The following COLEC10 variants were observed in gnomAD, a reference collection of about 807,000 sequenced individuals.
COLEC10 encodes the protein collectin-10.
Under a neutral mutation model 28.4 loss-of-function variants are expected in COLEC10, and 22 were observed. The ratio of observed to expected loss-of-function variants is 0.78; its 90% CI spans 0.55 to 1.11. COLEC10 has a LOEUF of 1.11. Among genes scored for constraint, COLEC10 ranks in the 50% least tolerant of loss-of-function variants. The pLI is 0.00. For synonymous variants in COLEC10, 125 were observed against 116.1 expected (o/e 1.08, Z -0.49); for missense variants, 361 against 344.1 (o/e 1.05, Z -0.39).
At chr8:118,952,578 T>G in the COLEC10 span, among the ~76,000 whole-genome samples, 2 of 152,244 alleles carry the variant, frequency 1.3e-5, no homozygotes, top group African/African-American at 4.8e-5. Flanking sequence ...CGTGCTATTC[T>G]GCATTCACTC....
At chr8:118,994,911 C>T (rs937710808), upstream of COLEC10, among the ~76,000 whole-genome samples, 5 of 152,154 alleles carry the variant, frequency 3.3e-5, no homozygotes, top group Admixed American at 2.0e-4. Flanking sequence ...TATCTCATAG[C>T]ACTGACAAAG....
intron 1 of COLEC10, among the ~76,000 whole-genome samples, chr8:119,087,986 C>A (rs938126229): frequency 3.3e-5 from 5 of 151,990 alleles, no homozygotes; most frequent in Admixed American, 1.3e-4. Flanking sequence ...TTTATAATTG[C>A]TCAATAGACA....
the COLEC10 span, among the ~76,000 whole-genome samples, chr8:118,977,829 G>T: frequency 3.3e-5 from 5 of 151,660 alleles, no homozygotes; most frequent in African/African-American, 1.2e-4. Context: ...ATAGCCCTTA[G>T]GTTGTTAATA....
chr8:119,070,395 C>A (rs1468814159), intron 1 of COLEC10, among the ~76,000 whole-genome samples: 1 of 151,534 alleles, frequency 6.6e-6, no homozygotes, highest in Non-Finnish European at 1.5e-5. Flanking sequence ...CTTTCTATGC[C>A]TTAAACTTAT....
chr8:119,002,401 C>A (rs555524610), intron 1 of COLEC10, among the ~76,000 whole-genome samples: 5 of 152,094 alleles, frequency 3.3e-5, no homozygotes, highest in African/African-American at 1.2e-4. Context: ...TTATTAAAAG[C>A]TAGGTTTCAT....
chr8:118,999,956 T>A (rs546612114), intron 1 of COLEC10, among the ~76,000 whole-genome samples: 36 of 152,212 alleles, frequency 2.4e-4, no homozygotes, highest in Non-Finnish European at 4.7e-4. Context: ...TGAAGAGGCA[T>A]GGGGTATTTT....
At chr8:119,032,791 A>G (rs1057514069) in intron 2 of COLEC10, among the ~76,000 whole-genome samples, 2 of 152,116 alleles carry the variant, frequency 1.3e-5, no homozygotes, top group Non-Finnish European at 2.9e-5. Context: ...AGTCCCAGCT[A>G]CCTGGGAGGC....
chr8:119,103,050 C>T (rs771252843), intron 4 of COLEC10, among the ~76,000 whole-genome samples: 1 of 151,852 alleles, frequency 6.6e-6, no homozygotes, highest in Non-Finnish European at 1.5e-5. Flanking sequence ...AATTTTCAAG[C>T]TACCAAAGGA....
intron 1 of COLEC10, among the ~76,000 whole-genome samples, chr8:119,002,825 A>G (rs1813725849): frequency 1.3e-5 from 2 of 152,212 alleles, no homozygotes; most frequent in Admixed American, 1.3e-4. Context: ...TTACCTGCAT[A>G]GCATATATCA....
chr8:119,051,461 G>T (rs917329087), intron 2 of COLEC10, among the ~76,000 whole-genome samples: 2 of 152,156 alleles, frequency 1.3e-5, no homozygotes, highest in African/African-American at 4.8e-5. Flanking sequence ...TATTGAAAAT[G>T]TTACCAATGT....
At chr8:119,006,449 T>C (rs1023696256) in intron 1 of COLEC10, among the ~76,000 whole-genome samples, 1 of 152,084 alleles carries the variant, frequency 6.6e-6, no homozygotes, top group African/African-American at 2.4e-5. Flanking sequence ...TAAACTACCT[T>C]CACTATAAAT....
At chr8:119,055,982 C>T (rs1333470648) in intron 2 of COLEC10, among the ~76,000 whole-genome samples, 1 of 152,050 alleles carries the variant, frequency 6.6e-6, no homozygotes, top group Non-Finnish European at 1.5e-5. Context: ...GACACCAACT[C>T]CACGTATCCA....
Position 119,106,182 on chromosome 8 carries a change from G to A in COLEC10, c.825G>A (p.Lys275=), listed in dbSNP as rs148434952. The change falls in exon 6 of 6, where the codon AAG becomes AAA. Residue 275 remains lysine, a synonymous_variant. Transcript: ENST00000332843. Reference sequence around the variant, plus strand: ...ACTTTGTCTGTGAGTTCATCAAGAAGAAAAAGTAACTTCCCTCATCCTACG... The same window carrying A: ...ACTTTGTCTGTGAGTTCATCAAGAAAAAAAAGTAACTTCCCTCATCCTACG... ...TMYFVCEFIK[K]KK 2.5e-6 allele frequency: 4 copies of A among 1,594,384 alleles called. No individual in the cohort carries two copies. Among genetic ancestry groups the A allele is most frequent in the Non-Finnish European group, 3.4e-6 (4 of 1,166,354 alleles).
intron 2 of COLEC10, among the ~76,000 whole-genome samples, chr8:119,041,082 T>C (rs1345609011): frequency 6.6e-6 from 1 of 152,184 alleles, no homozygotes; most frequent in Non-Finnish European, 1.5e-5. Flanking sequence ...CACTTTTACT[T>C]TGACACTATG....
chr8:119,047,556 A>G (rs149320922), intron 2 of COLEC10, among the ~76,000 whole-genome samples: 5 of 152,350 alleles, frequency 3.3e-5, no homozygotes, highest in Non-Finnish European at 5.9e-5. Flanking sequence ...CAAAGACTAA[A>G]GATGAAAATA....
At chr8:119,050,780 A>G (rs936471361) in intron 2 of COLEC10, among the ~76,000 whole-genome samples, 2 of 152,258 alleles carry the variant, frequency 1.3e-5, no homozygotes, top group Non-Finnish European at 2.9e-5. Flanking sequence ...AATTACTGAC[A>G]TGTTTATAGA....
At chr8:118,975,693 C>A in the COLEC10 span, among the ~76,000 whole-genome samples, 1 of 151,786 alleles carries the variant, frequency 6.6e-6, no homozygotes, top group African/African-American at 2.4e-5. Flanking sequence ...GAGGTGATTT[C>A]CTAAGAGAGT....
chr8:118,979,488 C>A, the COLEC10 span, among the ~76,000 whole-genome samples: 1 of 151,618 alleles, frequency 6.6e-6, no homozygotes, highest in Non-Finnish European at 1.5e-5. Flanking sequence ...AACTTTCCAC[C>A]TAGAATTAGC....
chr8:119,018,032 C>T (rs192675024), intron 2 of COLEC10, among the ~76,000 whole-genome samples: 1 of 152,204 alleles, frequency 6.6e-6, no homozygotes, highest in Non-Finnish European at 1.5e-5. Context: ...CATTATTATT[C>T]TAGGAGGGGA....
Sources: allele counts gnomAD v4.1 joint callset (sites outside exome capture counted in the v4.1 genomes callset), GRCh38; gene constraint gnomAD v4.1.1; transcripts MANE v1.5; gene names NCBI Gene and HGNC (gene_info 2026-07-23, HGNC 2026-07-21).